Variants in FAHD2B observed in about 807,000 individuals in gnomAD.
The protein encoded by FAHD2B is oxaloacetate tautomerase FAHD2B, mitochondrial.
In FAHD2B, 26 loss-of-function variants were observed where a neutral mutation model predicts 33.7. The observed-to-expected ratio is 0.77, with a 90% CI of 0.57 to 1.07. FAHD2B has a LOEUF of 1.07. FAHD2B is among the 50% of genes least tolerant of loss of function. The probability of loss-of-function intolerance (pLI) is 0.00; values close to 1 mark genes in which losing one functional copy is unlikely to be tolerated. For synonymous variants in FAHD2B, 108 were observed against 150.9 expected (o/e 0.72, Z 2.08); for missense variants, 272 against 388.1 (o/e 0.70, Z 2.51).
chr2:97,089,189 G>A (rs1041270285), intron 4 of FAHD2B, among the ~76,000 whole-genome samples: 8 of 151,974 alleles, frequency 5.3e-5, no homozygotes, highest in Non-Finnish European at 1.0e-4. Flanking sequence ...AATACTGCCT[G>A]TAGTTTGATA....
intron 1 of FAHD2B, among the ~76,000 whole-genome samples, chr2:97,093,769 G>A (rs560918988): frequency 3.5e-4 from 53 of 152,176 alleles, no homozygotes; most frequent in African/African-American, 1.2e-3. Flanking sequence ...CACGGCGCCC[G>A]GCCTGATTTA....
rs138656724 is a variant in FAHD2B, at chr2:97,087,333, G to T, written c.463-1135C>A. Reference sequence around the variant, plus strand: ...CCCAAAGTGCTGAGATTTCAGGTGTGAGCCAATGTGTCTGGCCAGGCTTTT... The same window carrying T: ...CCCAAAGTGCTGAGATTTCAGGTGTTAGCCAATGTGTCTGGCCAGGCTTTT... On this transcript the variant is annotated intron_variant, in intron 4 of 8. Coordinates refer to ENST00000414820, the MANE Select transcript of FAHD2B (RefSeq NM_001320848.2). Among the ~76,000 whole-genome samples the T allele has an allele frequency of 4.7e-3, 715 of 152,194 alleles. 9 individuals carry two copies. The highest frequency in any genetic ancestry group is 0.016 in the African/African-American group (648 of 41,556).
intron 4 of FAHD2B, chr2:97,089,741 G>T: frequency 4.9e-6 from 1 of 205,838 alleles, no homozygotes; most frequent in South Asian, 1.0e-4. Flanking sequence ...AAATGCTCCT[G>T]ATGGAGTCTT....
chr2:97,092,615 G>C (rs1467097227), intron 1 of FAHD2B, among the ~76,000 whole-genome samples: 1 of 152,260 alleles, frequency 6.6e-6, no homozygotes, highest in Non-Finnish European at 1.5e-5. Context: ...ACTTGGGAAA[G>C]CTTAATGCTT....
chr2:97,090,201 C>T lies in FAHD2B; in HGVS notation c.370G>A (p.Val124Met), dbSNP rs777928144. Residue 124 changes from valine to methionine, a missense_variant, in exon 4 of 9, where the codon GTG becomes ATG. By Grantham distance (21) the Val-to-Met change is conservative. Coordinates refer to ENST00000414820, the MANE Select transcript of FAHD2B (RefSeq NM_001320848.2). ...ATGATGGGCTCCTTGGGCACGGGCA[C>T]GTTCTGTTCTTTGCAGTGGTCCACA... The part of the protein sequence containing the change: ...NYVDHCKEQN[V>M]PVPKEPIIFS... 12 of 1,610,922 alleles carry T rather than the reference C, an allele frequency of 7.4e-6. No individual in the cohort carries two copies. Among genetic ancestry groups the T allele is most frequent in the Middle Eastern group, 3.7e-4 (2 of 5,416 alleles).
intron 5 of FAHD2B, 73 bp downstream of exon 5, chr2:97,086,066 G>A: frequency 6.4e-7 from 1 of 1,569,750 alleles, no homozygotes; most frequent in Non-Finnish European, 8.7e-7. Flanking sequence ...GGTGAGTGAG[G>A]TCAGAACTAG....
downstream of FAHD2B, chr2:97,081,368 C>T (rs1190465603): frequency 2.4e-5 from 38 of 1,563,806 alleles, no homozygotes; most frequent in South Asian, 1.1e-4. Flanking sequence ...TGGCCTTGCC[C>T]GGTCTTTGGC....
At chr2:97,090,015 T>C (rs1045870626) in intron 4 of FAHD2B, 94 bp downstream of exon 4, 1 of 1,530,318 alleles carries the variant, frequency 6.5e-7, no homozygotes, top group African/African-American at 1.4e-5. Flanking sequence ...AATGCACTAC[T>C]GAGCGAGAGG....
chr2:97,092,367 C>T (rs912870357), intron 1 of FAHD2B, among the ~76,000 whole-genome samples: 3 of 152,078 alleles, frequency 2.0e-5, no homozygotes, highest in Admixed American at 6.6e-5. Context: ...CACCTGCCTC[C>T]CCAGATAATA....
At chr2:97,084,326 C>G (rs757216055) in intron 6 of FAHD2B, 49 bp from the exon 7 acceptor site, 8 of 1,605,010 alleles carry the variant, frequency 5.0e-6, no homozygotes, top group East Asian at 2.2e-5. Context: ...CCCCCTCAAA[C>G]CCCCCAGTGT....
rs375259708 is a variant in FAHD2B at position 97,087,581 on chromosome 2, C to T, written c.463-1383G>A. Reference sequence around the variant, plus strand: ...AGGTGTGGTGGTGCATCCCTGTAATCCCAGCTACTAGGGAGGCTGAAGCAG... The same window carrying T: ...AGGTGTGGTGGTGCATCCCTGTAATTCCAGCTACTAGGGAGGCTGAAGCAG... On this transcript the variant is annotated intron_variant, in intron 4 of 8. Coordinates refer to ENST00000414820, the MANE Select transcript of FAHD2B (RefSeq NM_001320848.2). Among the ~76,000 whole-genome samples the T allele has an allele frequency of 1.2e-3, 189 of 152,050 alleles. 3 individuals carry two copies. The highest frequency in any genetic ancestry group is 7.5e-3 in the South Asian group (36 of 4,782).
In FAHD2B at chr2:97,085,743, A is replaced by G. The variant is rs781251375; in HGVS notation, c.641T>C (p.Phe214Ser). ...CACCAAGGCAGGGCCCAGAGGGCAG[A>G]AGGTGTCGAAGGTTTTTCCCAGCAG... ...QWLLGKTFDT[F>S]CPLGPALVTK... The change falls in exon 6 of 9, where the codon TTC (phenylalanine) becomes TCC (serine). Residue 214 changes from phenylalanine to serine, a missense_variant. By Grantham distance (155) the Phe-to-Ser change is radical. Transcript: ENST00000414820. 1.2e-6 allele frequency: 2 copies of G among 1,613,666 alleles called. No homozygotes were observed. The highest frequency in any genetic ancestry group is 1.7e-6 in the Non-Finnish European group (2 of 1,179,860).
chr2:97,088,469 C>T (rs60020772), intron 4 of FAHD2B, among the ~76,000 whole-genome samples: 3,641 of 152,152 alleles, frequency 0.024, 134 homozygotes, highest in African/African-American at 0.082. Flanking sequence ...TCTTTTCTGC[C>T]TGCTGCTATC....
downstream of FAHD2B, among the ~76,000 whole-genome samples, chr2:97,078,874 C>G (rs1406774140): frequency 6.6e-6 from 1 of 151,886 alleles, no homozygotes; most frequent in African/African-American, 2.4e-5. Flanking sequence ...GGTATTAAAC[C>G]TAGTATCCAT....
At chr2:97,094,415 A>G (rs2032538153) in intron 1 of FAHD2B, among the ~76,000 whole-genome samples, 1 of 130,306 alleles carries the variant, frequency 7.7e-6, no homozygotes, top group Non-Finnish European at 1.6e-5. Flanking sequence ...TCCGAGCTCA[A>G]TCCAACTCTG....
At chr2:97,079,163 A>G (rs59727323), downstream of FAHD2B, among the ~76,000 whole-genome samples, 1,021 of 152,220 alleles carry the variant, frequency 6.7e-3, 55 homozygotes, top group East Asian at 0.11. Flanking sequence ...TTCTTTATCC[A>G]GTCTATCATT....
downstream of FAHD2B, among the ~76,000 whole-genome samples, chr2:97,079,896 C>T (rs2031587173): frequency 6.6e-6 from 1 of 152,026 alleles, no homozygotes. Context: ...AACTTCTGAC[C>T]TCAGGTGATC....
chr2:97,080,234 T>C (rs2031594499), downstream of FAHD2B, among the ~76,000 whole-genome samples: 1 of 152,142 alleles, frequency 6.6e-6, no homozygotes, highest in South Asian at 2.1e-4. Flanking sequence ...GGTTTTACAT[T>C]TAAGTCTTTA....
At chr2:97,090,036 A>G in intron 4 of FAHD2B, 73 bp downstream of exon 4, 2 of 1,518,382 alleles carry the variant, frequency 1.3e-6, no homozygotes, top group Admixed American at 1.8e-5. Context: ...TGGCTCCAGT[A>G]GGCTCAATAC....
Sources: gnomAD v4.1 joint callset for allele counts (sites outside exome capture counted in the v4.1 genomes callset) on GRCh38, gnomAD v4.1.1 for gene constraint, MANE v1.5 for transcripts, NCBI Gene and HGNC (gene_info 2026-07-23, HGNC 2026-07-21) for gene names.